The following VEPH1 variants were observed in gnomAD, a reference collection of about 807,000 sequenced individuals.
The protein encoded by VEPH1 is ventricular zone-expressed PH domain-containing protein homolog 1.
A neutral mutation model predicts 85.2 loss-of-function variants in VEPH1; 80 were observed. That is an observed-to-expected ratio of 0.94 (90% confidence interval 0.78 to 1.13). The LOEUF (loss-of-function observed/expected upper bound fraction) is 1.13, where lower values mean the gene tolerates loss of function less well. Among genes scored for constraint, VEPH1 ranks in the 50% most tolerant of loss-of-function variants. The probability of loss-of-function intolerance (pLI) is 0.00; values close to 1 mark genes in which losing one functional copy is unlikely to be tolerated. For synonymous variants in VEPH1, 297 were observed against 348.0 expected, an observed-to-expected ratio of 0.85 and a Z score of 1.63; for missense variants, 955 against 980.5, an observed-to-expected ratio of 0.97 and a Z score of 0.35.
chr3:157,379,094 G>C (rs1325587687), intron 7 of VEPH1, among the ~76,000 whole-genome samples: 1 of 152,150 alleles, frequency 6.6e-6, no homozygotes, highest in Non-Finnish European at 1.5e-5. Context: ...TAATTCCTGT[G>C]CTAAGAGCTG....
At chr3:157,415,044 C>T (rs569011869) in intron 5 of VEPH1, 43 of 152,380 alleles carry the variant, frequency 2.8e-4, no homozygotes, top group African/African-American at 1.0e-3. Context: ...CCCACCACCC[C>T]TTCTGGCCCT....
At chr3:157,275,600 T>C (rs1252131458) in intron 12 of VEPH1, among the ~76,000 whole-genome samples, 1 of 151,954 alleles carries the variant, frequency 6.6e-6, no homozygotes, top group Non-Finnish European at 1.5e-5. Flanking sequence ...AAAATATATA[T>C]ATATAATGAT....
chr3:157,369,175 C>A (rs1052592000), intron 7 of VEPH1, among the ~76,000 whole-genome samples: 10 of 20,098 alleles, frequency 5.0e-4, no homozygotes, highest in Non-Finnish European at 6.5e-4. Context: ...CAACAAAAAC[C>A]AAATGAAAAA....
At chr3:157,361,926 A>G (rs749138885) in intron 9 of VEPH1, among the ~76,000 whole-genome samples, 3 of 152,204 alleles carry the variant, frequency 2.0e-5, no homozygotes, top group Non-Finnish European at 2.9e-5. Context: ...GACAGGATTG[A>G]TATTACTAAT....
chr3:157,382,769 C>A (rs1728910693), intron 6 of VEPH1, among the ~76,000 whole-genome samples: 1 of 152,192 alleles, frequency 6.6e-6, no homozygotes, highest in Admixed American at 6.5e-5. Flanking sequence ...ATGCAGCTGT[C>A]TCCAGTGACT....
At chr3:157,281,596 G>T (rs1360416928) in intron 12 of VEPH1, among the ~76,000 whole-genome samples, 1 of 151,694 alleles carries the variant, frequency 6.6e-6, no homozygotes, top group Admixed American at 6.6e-5. Context: ...GGAGTGCAGT[G>T]GCATGATCTT....
intron 7 of VEPH1, among the ~76,000 whole-genome samples, chr3:157,371,434 C>T (rs12639520): frequency 9.5e-4 from 144 of 152,130 alleles, no homozygotes; most frequent in Non-Finnish European, 1.3e-3. Flanking sequence ...GAATAAGACA[C>T]GGAAAAGGGA....
chr3:157,366,454 G>A (rs1263795013), intron 7 of VEPH1, among the ~76,000 whole-genome samples: 1 of 152,226 alleles, frequency 6.6e-6, no homozygotes, highest in East Asian at 1.9e-4. Flanking sequence ...AGAAAGCACT[G>A]CCAGGCACGG....
At chr3:157,494,971 A>C (rs915362433) in intron 2 of VEPH1, among the ~76,000 whole-genome samples, 2 of 152,096 alleles carry the variant, frequency 1.3e-5, no homozygotes, top group Admixed American at 1.3e-4. Context: ...GCTGCTCTGC[A>C]ATTTTCAGAA....
intron 9 of VEPH1, among the ~76,000 whole-genome samples, chr3:157,332,100 A>G (rs1464474144): frequency 6.6e-6 from 1 of 152,236 alleles, no homozygotes; most frequent in African/African-American, 2.4e-5. Flanking sequence ...CTGGCATAGA[A>G]GGGTTAACCC....
chr3:157,298,183 C>G (rs1195020160), intron 11 of VEPH1, among the ~76,000 whole-genome samples: 1 of 152,196 alleles, frequency 6.6e-6, no homozygotes, highest in Non-Finnish European at 1.5e-5. Context: ...GAATTAAATG[C>G]ATCATCTCAT....
At position 157,470,214 on chromosome 3, in the gene VEPH1, T is replaced by A. The variant is rs577106429; in HGVS notation, c.354+100A>T. On this transcript the variant is annotated intron_variant, in intron 3 of 13. Coordinates refer to ENST00000362010, the MANE Select transcript of VEPH1 (RefSeq NM_001167912.2). ...GCTTGTAGTGTCTTTTTACAGTATC[T>A]AAATGCTGCAGAAGCATTGGCTCTT... 99 of 1,094,560 alleles carry A rather than the reference T, an allele frequency of 9.0e-5. 1 individual carries two copies. The East Asian group carries it at 2.0e-3, about 22-fold the overall frequency. 67.8% of individuals were successfully genotyped at this position (1,094,560 alleles called of 1,614,324 possible). A position where few individuals can be genotyped will look rare whatever the true frequency, so the allele number is the denominator to read the frequency against.
At chr3:157,339,042 G>C (rs1215372367) in intron 9 of VEPH1, among the ~76,000 whole-genome samples, 24 of 152,160 alleles carry the variant, frequency 1.6e-4, no homozygotes, top group Admixed American at 1.6e-3. Flanking sequence ...AGTTATTGTG[G>C]TTAGGGTTCT....
chr3:157,494,099 G>T (rs1372429589), intron 2 of VEPH1, among the ~76,000 whole-genome samples: 1 of 152,290 alleles, frequency 6.6e-6, no homozygotes. Context: ...CCTGAGAAAA[G>T]AAGAGTTTTT....
chr3:157,333,370 T>C (rs912327711), intron 9 of VEPH1, among the ~76,000 whole-genome samples: 3 of 152,164 alleles, frequency 2.0e-5, no homozygotes, highest in African/African-American at 7.2e-5. Context: ...CCAGGTACTC[T>C]TGATGGTTGC....
chr3:157,486,216 G>A (rs1738627459), intron 2 of VEPH1, among the ~76,000 whole-genome samples: 1 of 152,078 alleles, frequency 6.6e-6, no homozygotes, highest in Non-Finnish European at 1.5e-5. Flanking sequence ...AGGCAGCATA[G>A]GCCAGACACG....
chr3:157,274,100 A>G (rs1320949326), intron 12 of VEPH1, among the ~76,000 whole-genome samples: 4 of 152,202 alleles, frequency 2.6e-5, no homozygotes, highest in Non-Finnish European at 5.9e-5. Context: ...ACTTAACACA[A>G]CACAAATGGC....
At chr3:157,266,185 G>A (rs1713617295) in intron 12 of VEPH1, among the ~76,000 whole-genome samples, 1 of 150,952 alleles carries the variant, frequency 6.6e-6, no homozygotes, top group Admixed American at 6.6e-5. Context: ...CTATTTGGCA[G>A]CAAAAGTCAA....
chr3:157,465,512 G>T (rs1031169827), intron 3 of VEPH1, among the ~76,000 whole-genome samples: 1 of 152,158 alleles, frequency 6.6e-6, no homozygotes, highest in Non-Finnish European at 1.5e-5. Context: ...AGACAATTAA[G>T]GCCTGGAAAG....
Sources: gnomAD v4.1 joint callset for allele counts (sites outside exome capture counted in the v4.1 genomes callset) on GRCh38, gnomAD v4.1.1 for gene constraint, MANE v1.5 for transcripts, NCBI Gene and HGNC (gene_info 2026-07-23, HGNC 2026-07-21) for gene names.